SUPT6H: variants seen among roughly 807,000 people sequenced by gnomAD.
The protein encoded by SUPT6H is transcription elongation factor SPT6.
In SUPT6H, 11 loss-of-function variants were observed where a neutral mutation model predicts 222.3. The observed-to-expected ratio is 0.05, with a 90% CI of 0.03 to 0.08. The LOEUF (loss-of-function observed/expected upper bound fraction) is 0.08, where lower values mean the gene tolerates loss of function less well. SUPT6H is among the 10% of genes least tolerant of loss of function. The pLI, the probability that SUPT6H is intolerant of heterozygous loss-of-function variation, is 1.00. For synonymous variants in SUPT6H, 762 were observed against 801.2 expected, an observed-to-expected ratio of 0.95 and a Z score of 0.83; for missense variants, 1,422 against 2,216.0, an observed-to-expected ratio of 0.64 and a Z score of 7.19.
chr17:28,699,615 T>G (rs1302140873), intron 32 of SUPT6H, among the ~76,000 whole-genome samples, 166 bp from the exon 33 acceptor site: 2 of 152,194 alleles, frequency 1.3e-5, no homozygotes, highest in Non-Finnish European at 2.9e-5. Flanking sequence ...CAATATGTTC[T>G]GCCATGTGCT....
chr17:28,662,945 T>G (rs916815264), intron 1 of SUPT6H, among the ~76,000 whole-genome samples: 7 of 152,194 alleles, frequency 4.6e-5, no homozygotes, highest in African/African-American at 1.7e-4. Flanking sequence ...AAATTAGTTA[T>G]TAAGTCAAAA....
At chr17:28,679,328 G>A (rs1048201160) in intron 11 of SUPT6H, among the ~76,000 whole-genome samples, 17 of 152,020 alleles carry the variant, frequency 1.1e-4, no homozygotes, top group East Asian at 7.7e-4. Flanking sequence ...AGCTGAGATC[G>A]TGCCACTGCT....
At chr17:28,692,321 C>CAAA (rs764698257) in intron 27 of SUPT6H, among the ~76,000 whole-genome samples, 1 of 110,042 alleles carries the variant, frequency 9.1e-6, no homozygotes. Flanking sequence ...GACTCTGTCT[C>CAAA]AAAAAAAAAA....
At chr17:28,668,629 A>T (rs2030233017) in intron 1 of SUPT6H, among the ~76,000 whole-genome samples, 1 of 152,212 alleles carries the variant, frequency 6.6e-6, no homozygotes, top group Non-Finnish European at 1.5e-5. Flanking sequence ...TGTTTTCATC[A>T]GGTAGGCTGT....
intron 1 of SUPT6H, among the ~76,000 whole-genome samples, chr17:28,671,617 G>A (rs1013941920): frequency 2.0e-5 from 3 of 152,128 alleles, no homozygotes; most frequent in Non-Finnish European, 4.4e-5. Context: ...TCCATGTTAC[G>A]GTTCTTGAAG....
chr17:28,669,935 C>G (rs2030317912), intron 1 of SUPT6H: 2 of 152,224 alleles, frequency 1.3e-5, no homozygotes, highest in Non-Finnish European at 1.5e-5. Flanking sequence ...GACTCTGTCT[C>G]AAAATAAGTA....
chr17:28,683,597 C>T lies in SUPT6H; in HGVS notation c.2034-24C>T, dbSNP rs533509263. The T allele has an allele frequency of 2.1e-4, 343 of 1,610,792 alleles. 3 individuals carry two copies. In the South Asian group the frequency reaches 3.5e-3, roughly 16 times the overall value. ...TGTCACCTTTTCTCCATTCCTGACA[C>T]CATAGCTTTGTGTCTCTTCTCAGCT... On this transcript the variant is annotated intron_variant, in intron 16 of 36. Transcript: ENST00000314616.
At chr17:28,695,982 G>T (rs898763230) in intron 29 of SUPT6H, among the ~76,000 whole-genome samples, 1 of 152,010 alleles carries the variant, frequency 6.6e-6, no homozygotes, top group Admixed American at 6.5e-5. Context: ...GGGCAACTTA[G>T]TAAGACACCA....
In SUPT6H at chr17:28,687,285, G is replaced by A. The variant is rs2151642463; in HGVS notation, c.2839-19G>A. The A allele has an allele frequency of 6.2e-7, 1 of 1,614,156 alleles. No individual in the cohort carries two copies. The highest frequency in any genetic ancestry group is 1.3e-5 in the African/African-American group (1 of 75,052). On this transcript the variant is annotated intron_variant, in intron 22 of 36. Transcript: ENST00000314616. Reference sequence around the variant, plus strand: ...GGAAAGGCAGAGTAACCTTACTCCTGCCTGCTGAATGTCCACAGGAGCATG... The same window carrying A: ...GGAAAGGCAGAGTAACCTTACTCCTACCTGCTGAATGTCCACAGGAGCATG...
At chr17:28,665,475 A>G (rs1279228553) in intron 1 of SUPT6H, among the ~76,000 whole-genome samples, 1 of 152,160 alleles carries the variant, frequency 6.6e-6, no homozygotes, top group East Asian at 1.9e-4. Flanking sequence ...ATACATATTT[A>G]TGCCAGGCAT....
At chr17:28,678,472 C>T in intron 9 of SUPT6H, 73 bp from the exon 10 acceptor site, 1 of 1,432,894 alleles carries the variant, frequency 7.0e-7, no homozygotes, top group Non-Finnish European at 9.8e-7. Context: ...TCCAGGAAGT[C>T]ATTATCTACT....
chr17:28,690,544 G>A (rs777152440), intron 26 of SUPT6H, among the ~76,000 whole-genome samples: 3 of 152,176 alleles, frequency 2.0e-5, no homozygotes, highest in Non-Finnish European at 4.4e-5. Context: ...GGAGGCCAGG[G>A]CAGGCAGACT....
At position 28,687,395 on chromosome 17, in the gene SUPT6H, T is replaced by C. The variant is rs1347102076; in HGVS notation, c.2930T>C (p.Ile977Thr). Residue 977 changes from isoleucine (I) to threonine (T), a missense_variant, in exon 23 of 37, where the codon ATT becomes ACT. Physicochemically the swap from Ile to Thr is moderately conservative, Grantham distance 89 (BLOSUM62 -1). Coordinates refer to ENST00000314616, the MANE Select transcript of SUPT6H (RefSeq NM_003170.5). ...GTCGGGGTCGATGTCAACCGTGCCA[T>C]TGCCCACCCTTACAGCCAGGCCTTG... is the stretch of plus-strand genomic sequence containing the variant. ...NEVGVDVNRA[I>T]AHPYSQALIQ... The C allele has an allele frequency of 6.2e-7, 1 of 1,614,160 alleles. No homozygotes were observed. The highest frequency in any genetic ancestry group is 1.1e-5 in the South Asian group (1 of 91,084).
rs1177130977 is a variant in SUPT6H at position 28,681,956 on chromosome 17, A to G, written c.1573A>G (p.Thr525Ala). 6.2e-7 allele frequency: 1 copy of G among 1,607,304 alleles called. No homozygotes were observed. Among genetic ancestry groups the G allele is most frequent in the Non-Finnish European group, 8.5e-7 (1 of 1,177,926 alleles). The change falls in exon 13 of 37, where the codon ACC (threonine) becomes GCC (alanine). Residue 525 changes from threonine (T) to alanine (A), a missense_variant. Thr to Ala is a moderately conservative substitution (Grantham distance 58, BLOSUM62 0). Transcript: ENST00000314616. Reference sequence around the variant, plus strand: ...GCAAGCCTCTCGCCGAGACATGTACACCATCTGCCAGAGTGCTGGGCTAGG... The same window carrying G: ...GCAAGCCTCTCGCCGAGACATGTACGCCATCTGCCAGAGTGCTGGGCTAGG... ...LKQASRRDMY[T>A]ICQSAGLDGL...
intron 26 of SUPT6H, 83 bp from the exon 27 acceptor site, chr17:28,690,838 T>C: frequency 6.8e-7 from 1 of 1,473,510 alleles, no homozygotes; most frequent in Non-Finnish European, 9.3e-7. Context: ...GGAAGTCAGA[T>C]ATTCTGTCAC....
rs374499932 is a variant in SUPT6H, at chr17:28,685,010, A to G, written c.2487+49A>G. On this transcript the variant is annotated intron_variant, in intron 19 of 36. Transcript: ENST00000314616. ...TAAGTGTACATCTGGAGTATGTCTT[A>G]TGATTCAGTGGAGATAAGTGTTTAC... 32 of 1,533,320 alleles carry G rather than the reference A, an allele frequency of 2.1e-5. No individual in the cohort carries two copies. In the African/African-American group the frequency reaches 4.0e-4, roughly 19 times the overall value. The allele number at this position is 1,533,320 out of a possible 1,614,324, so 95.0% of individuals were successfully genotyped here.
In SUPT6H at chr17:28,689,444, A is replaced by G. The variant is rs758695717; in HGVS notation, c.3225A>G (p.Glu1075=). The G allele has an allele frequency of 5.0e-6, 8 of 1,614,148 alleles. No homozygotes were observed. Among genetic ancestry groups the G allele is most frequent in the African/African-American group, 1.3e-5 (1 of 74,950 alleles). Reference sequence around the variant, plus strand: ...GGAAGATGGCAGTGGATGCCCTGGAATACGATGAATCAGCCGAGGATGCCA... The same window carrying G: ...GGAAGATGGCAGTGGATGCCCTGGAGTACGATGAATCAGCCGAGGATGCCA... ...WARKMAVDAL[E]YDESAEDANP... is the part of the protein sequence containing the mutation. The change falls in exon 25 of 37, where the codon GAA becomes GAG. Residue 1075 remains glutamate, a synonymous_variant. Coordinates refer to ENST00000314616, the MANE Select transcript of SUPT6H (RefSeq NM_003170.5).
chr17:28,684,233 T>C (rs778868682), intron 17 of SUPT6H, among the ~76,000 whole-genome samples: 5 of 151,908 alleles, frequency 3.3e-5, no homozygotes, highest in Non-Finnish European at 7.4e-5. Flanking sequence ...TTAGGAATAG[T>C]CCCATAGCTA....
chr17:28,665,321 G>C (rs1319896786), intron 1 of SUPT6H, among the ~76,000 whole-genome samples: 1 of 152,210 alleles, frequency 6.6e-6, no homozygotes, highest in Non-Finnish European at 1.5e-5. Flanking sequence ...CTTTAGATGA[G>C]ATGAGAATAT....
Sources: allele counts gnomAD v4.1 joint callset (sites outside exome capture counted in the v4.1 genomes callset), GRCh38; gene constraint gnomAD v4.1.1; transcripts MANE v1.5; gene names NCBI Gene and HGNC (gene_info 2026-07-23, HGNC 2026-07-21).